The following ADCY5 variants were observed in gnomAD, a reference collection of about 807,000 sequenced individuals.
The protein encoded by ADCY5 is adenylate cyclase 5, also known as adenylate cyclase type 5.
ADCY5 carries 30 observed loss-of-function variants against 119.7 expected under a neutral mutation model. The ratio of observed to expected loss-of-function variants is 0.25; its 90% CI spans 0.19 to 0.34. The LOEUF is 0.34. Among genes scored for constraint, ADCY5 ranks in the 10% least tolerant of loss-of-function variants. ADCY5 has a pLI of 1.00. For synonymous variants in ADCY5, 753 were observed against 762.2 expected, an observed-to-expected ratio of 0.99 and a Z score of 0.20; for missense variants, 1,324 against 1,775.2, an observed-to-expected ratio of 0.75 and a Z score of 4.57.
chr3:123,376,427 T>TC (rs11447355), intron 1 of ADCY5, among the ~76,000 whole-genome samples: 80,110 of 151,692 alleles, frequency 0.53, 21,721 homozygotes, highest in East Asian at 0.95. Flanking sequence ...CAAAATTTCT[T>TC]CAAGGAGGAG....
At chr3:123,425,025 C>T (rs1260121544) in intron 1 of ADCY5, among the ~76,000 whole-genome samples, 1 of 152,220 alleles carries the variant, frequency 6.6e-6, no homozygotes, top group Non-Finnish European at 1.5e-5. Context: ...ACTGGCACAC[C>T]CCCTCCCCAG....
intron 9 of ADCY5, among the ~76,000 whole-genome samples, chr3:123,320,130 G>A (rs1941142900): frequency 6.6e-6 from 1 of 151,982 alleles, no homozygotes; most frequent in South Asian, 2.1e-4. Context: ...AGTTTAGTTG[G>A]ACTTTCCCTA....
At chr3:123,429,468 C>G (rs896259630) in intron 1 of ADCY5, among the ~76,000 whole-genome samples, 4 of 152,116 alleles carry the variant, frequency 2.6e-5, no homozygotes, top group African/African-American at 4.8e-5. Flanking sequence ...AAGTCTGCCT[C>G]TCCTCAGAGC....
chr3:123,302,840 C>T (rs575691387), intron 14 of ADCY5, among the ~76,000 whole-genome samples: 1 of 152,204 alleles, frequency 6.6e-6, no homozygotes, highest in Non-Finnish European at 1.5e-5. Flanking sequence ...AACAGCTACA[C>T]CGCTTTAACA....
intron 1 of ADCY5, among the ~76,000 whole-genome samples, chr3:123,403,913 A>G (rs759462996): frequency 2.8e-4 from 43 of 152,312 alleles, no homozygotes; most frequent in South Asian, 1.0e-3. Flanking sequence ...CTCCAGACAG[A>G]AGGGAATTCT....
intron 5 of ADCY5, among the ~76,000 whole-genome samples, chr3:123,330,263 C>A (rs1235141568): frequency 6.6e-6 from 1 of 152,230 alleles, no homozygotes; most frequent in Admixed American, 6.5e-5. Context: ...CAAGCTATTT[C>A]TAAAGCCCAA....
chr3:123,405,557 T>C (rs1944877236), intron 1 of ADCY5, among the ~76,000 whole-genome samples: 1 of 152,240 alleles, frequency 6.6e-6, no homozygotes, highest in Non-Finnish European at 1.5e-5. Context: ...CCATACCAAA[T>C]GCAAGGCCCG....
At chr3:123,330,612 G>T (rs1293994651) in intron 5 of ADCY5, among the ~76,000 whole-genome samples, 3 of 152,160 alleles carry the variant, frequency 2.0e-5, no homozygotes, top group Admixed American at 1.3e-4. Flanking sequence ...TCACATGGCT[G>T]CCAGCCTCTC....
rs183506605 is a variant in ADCY5 at position 123,394,358 on chromosome 3, A to C, written c.1135-41777T>G. ...TGAACGAATTTTTTTTAAAATGCAT[A>C]TCTAGGGTAGCACCTCATCCATCTA... is the stretch of plus-strand genomic sequence containing the variant. On this transcript the variant is annotated intron_variant, in intron 1 of 20. Coordinates refer to ENST00000462833, the MANE Select transcript of ADCY5 (RefSeq NM_183357.3). Among the ~76,000 whole-genome samples, 12 of 152,238 alleles carry C rather than the reference A, an allele frequency of 7.9e-5. No homozygotes were observed. The East Asian group carries it at 2.1e-3, about 27-fold the overall frequency.
At chr3:123,396,438 AAAG>A (rs1944568265) in intron 1 of ADCY5, among the ~76,000 whole-genome samples, 3 of 141,278 alleles carry the variant, frequency 2.1e-5, no homozygotes, top group African/African-American at 2.7e-5. Context: ...AGGGAAAGAG[AAAG>A]GAAGGAAGGG....
In ADCY5 at chr3:123,328,114, C is replaced by A. The variant is rs540136043; in HGVS notation, c.1806-355G>T. Among the ~76,000 whole-genome samples, 5 of 152,308 alleles carry A rather than the reference C, an allele frequency of 3.3e-5. No individual in the cohort carries two copies. The East Asian group carries it at 9.7e-4, about 29-fold the overall frequency. On this transcript the variant is annotated intron_variant, in intron 6 of 20. Coordinates refer to ENST00000462833, the MANE Select transcript of ADCY5 (RefSeq NM_183357.3). The stretch of plus-strand genomic sequence containing the variant: ...ACAGGACGGAGTCCAAATTCACGAG[C>A]CTGGCACTCATGCCTTCTGAACACA...
chr3:123,284,288 A>G lies in ADCY5; in HGVS notation c.*320T>C. ...TGCCCTTGTCTGGGCCGTGCCACAC[A>G]CACATTCCCACGGCTCCTTTCCACC... On this transcript the variant is annotated 3_prime_UTR_variant, in exon 21 of 21. Coordinates refer to ENST00000462833, the MANE Select transcript of ADCY5 (RefSeq NM_183357.3). 3.3e-6 allele frequency: 1 copy of G among 306,610 alleles called. No individual in the cohort carries two copies. Among genetic ancestry groups the G allele is most frequent in the Non-Finnish European group, 6.2e-6 (1 of 161,030 alleles). The allele number at this position is 306,610 out of a possible 1,614,324, so 19.0% of individuals were successfully genotyped here.
At position 123,385,308 on chromosome 3, in the gene ADCY5, C is replaced by CAT. The variant is rs1553742315; in HGVS notation, c.1135-32728_1135-32727insAT. On this transcript the variant is annotated intron_variant, in intron 1 of 20. Coordinates refer to ENST00000462833, the MANE Select transcript of ADCY5 (RefSeq NM_183357.3). ...AGACACACACGCACACACACACACA[C>CAT]ACGCACGCACGACCAGTGCTGTAGT... is the stretch of plus-strand genomic sequence containing the variant. Among the ~76,000 whole-genome samples the CAT allele has an allele frequency of 3.4e-5, 5 of 147,332 alleles. No individual in the cohort carries two copies. In the East Asian group the frequency reaches 5.8e-4, roughly 17 times the overall value.
Position 123,448,834 on chromosome 3 carries a change from G to A in ADCY5, c.-289C>T. ...GGACTGGTCTGGCTGCTGCTGCGCC[G>A]CACGCGGAGAGACGTCCGGGATCCT... On this transcript the variant is annotated 5_prime_UTR_variant, in exon 1 of 21. Coordinates refer to ENST00000462833, the MANE Select transcript of ADCY5 (RefSeq NM_183357.3). The A allele has an allele frequency of 3.0e-6, 1 of 329,138 alleles. No homozygotes were observed. Among genetic ancestry groups the A allele is most frequent in the Non-Finnish European group, 5.5e-6 (1 of 181,120 alleles). The allele number at this position is 329,138 out of a possible 1,614,324, so 20.4% of individuals were successfully genotyped here. A position where few individuals can be genotyped will look rare whatever the true frequency, so the allele number is the denominator to read the frequency against.
At chr3:123,331,220 G>A (rs1030947193) in intron 4 of ADCY5, among the ~76,000 whole-genome samples, 5 of 152,286 alleles carry the variant, frequency 3.3e-5, no homozygotes, top group African/African-American at 4.8e-5. Context: ...GGGGATGGAG[G>A]GATGGGCTGG....
At chr3:123,302,961 CCT>C in intron 14 of ADCY5, 92 bp downstream of exon 14, 2 of 1,449,990 alleles carry the variant, frequency 1.4e-6, no homozygotes, top group African/African-American at 2.8e-5. Flanking sequence ...CTGGTGAGAC[CCT>C]GTCCTTCAGA....
intron 10 of ADCY5, 136 bp from the exon 11 acceptor site, chr3:123,318,253 C>T (rs1203602991): frequency 2.0e-5 from 13 of 641,466 alleles, no homozygotes; most frequent in Non-Finnish European, 2.5e-5. Context: ...AGGGAAGACT[C>T]GAGAACCAGA....
chr3:123,421,896 C>G (rs1945310729), intron 1 of ADCY5, among the ~76,000 whole-genome samples: 1 of 152,192 alleles, frequency 6.6e-6, no homozygotes, highest in African/African-American at 2.4e-5. Context: ...ACAGCCATCC[C>G]TGGTGTGCTA....
intron 1 of ADCY5, among the ~76,000 whole-genome samples, chr3:123,409,740 C>T (rs1944995324): frequency 6.6e-6 from 1 of 152,148 alleles, no homozygotes; most frequent in African/African-American, 2.4e-5. Context: ...TGTTGAGATG[C>T]CCCTCTTGCA....
Sources: gnomAD v4.1 joint callset for allele counts (sites outside exome capture counted in the v4.1 genomes callset) on GRCh38, gnomAD v4.1.1 for gene constraint, MANE v1.5 for transcripts, NCBI Gene and HGNC (gene_info 2026-07-23, HGNC 2026-07-21) for gene names.